MTFR2: variants seen among roughly 807,000 people sequenced by gnomAD.
MTFR2 encodes DUF729 domain-containing protein 1.
Under a neutral mutation model 41.2 loss-of-function variants are expected in MTFR2, and 44 were observed. That is an observed-to-expected ratio of 1.07 (90% CI 0.84 to 1.37). The LOEUF is 1.37. Among genes scored for constraint, MTFR2 ranks in the 40% most tolerant of loss-of-function variants. MTFR2 has a pLI of 0.00. For missense variants in MTFR2, 452 were observed against 459.5 expected, an observed-to-expected ratio of 0.98 and a Z score of 0.15; for synonymous variants, 141 against 154.6, an observed-to-expected ratio of 0.91 and a Z score of 0.65.
rs778375122 is a variant in MTFR2 at position 136,239,465 on chromosome 6, CCGCT to C, written c.866_869del (p.Glu289GlyfsTer23). On this transcript the variant is annotated frameshift_variant and splice_region_variant, in exon 6 of 8. Transcript: ENST00000420702. LOFTEE classifies it high-confidence loss of function. Reference sequence around the variant, plus strand: ...TCACTTTTCAAATTACAACAACATACCGCTCAATTGCACGAAGCTTAACCTTATT... The same window carrying C: ...TCACTTTTCAAATTACAACAACATACCAATTGCACGAAGCTTAACCTTATT... 1 of 1,584,936 alleles carries C rather than the reference CCGCT, an allele frequency of 6.3e-7. No individual in the cohort carries two copies. The highest frequency in any genetic ancestry group is 1.4e-5 in the African/African-American group (1 of 74,014).
In MTFR2 at chr6:136,249,036, C is replaced by A. The variant is rs1451612906; in HGVS notation, c.63+1G>T. On this transcript the variant is annotated splice_donor_variant, in intron 2 of 7. Coordinates refer to ENST00000420702, the MANE Select transcript of MTFR2 (RefSeq NM_001099286.3). LOFTEE classifies it high-confidence loss of function. ...CCATTCCAATCCAAAACGACATTTA[C>A]CTGTTCTACAGGAACGCCAAAATAT... 6.3e-7 allele frequency: 1 copy of A among 1,598,666 alleles called. No homozygotes were observed. The highest frequency in any genetic ancestry group is 8.5e-7 in the Non-Finnish European group (1 of 1,175,654).
intron 6 of MTFR2, among the ~76,000 whole-genome samples, chr6:136,236,211 TGAG>T (rs1369622439): frequency 1.3e-5 from 2 of 151,976 alleles, no homozygotes; most frequent in Non-Finnish European, 2.9e-5. Context: ...TACTCAGGTG[TGAG>T]GAGAAGGATG....
At chr6:136,249,177 G>A in intron 1 of MTFR2, 24 bp from the exon 2 acceptor site, 1 of 1,217,742 alleles carries the variant, frequency 8.2e-7, no homozygotes, top group Non-Finnish European at 1.1e-6. Flanking sequence ...TTTAGAAAAT[G>A]TTACTCTTGA....
At position 136,241,555 on chromosome 6, in the gene MTFR2, T is replaced by C. The variant is rs1780070083; in HGVS notation, c.403A>G (p.Asn135Asp). ...GCTATTTTTCTAATTGCAGCTTCATTTACAGGCAGGTCATTTTTCACAGTT... is the reference window on the plus strand; with the variant it reads ...GCTATTTTTCTAATTGCAGCTTCATCTACAGGCAGGTCATTTTTCACAGTT... ...KETVKNDLPV[N>D]EAAIRKIAAL... Residue 135 changes from asparagine to aspartate, a missense_variant, in exon 5 of 8, where the codon AAT (asparagine) becomes GAT (aspartate). Transcript: ENST00000420702. 1 of 1,614,068 alleles carries C rather than the reference T, an allele frequency of 6.2e-7. No individual in the cohort carries two copies. Among genetic ancestry groups the C allele is most frequent in the Non-Finnish European group, 8.5e-7 (1 of 1,180,050 alleles).
Position 136,231,195 on chromosome 6 carries a change from A to G in MTFR2, c.*80T>C. ...TAAATACATCTACTTTTAGCCTTTA[A>G]CAGTCCAAATCAGTTTCTAAGAATA... is the stretch of plus-strand genomic sequence containing the variant. On this transcript the variant is annotated 3_prime_UTR_variant, in exon 8 of 8. Coordinates refer to ENST00000420702, the MANE Select transcript of MTFR2 (RefSeq NM_001099286.3). 2.1e-6 allele frequency: 2 copies of G among 932,674 alleles called. No homozygotes were observed. The highest frequency in any genetic ancestry group is 3.3e-6 in the Non-Finnish European group (2 of 599,606). 57.8% of individuals were successfully genotyped at this position (932,674 alleles called of 1,614,324 possible).
In MTFR2 at chr6:136,248,216, T is replaced by G. The variant is rs544755178; in HGVS notation, c.63+821A>C. On this transcript the variant is annotated intron_variant, in intron 2 of 7. Coordinates refer to ENST00000420702, the MANE Select transcript of MTFR2 (RefSeq NM_001099286.3). ...AATACAACCATGTATTACTCCTCTG[T>G]ATTACCTGCAGAAACAAGCATATTG... Among the ~76,000 whole-genome samples, 8 of 152,332 alleles carry G rather than the reference T, an allele frequency of 5.3e-5. No individual in the cohort carries two copies. In the South Asian group the frequency reaches 1.7e-3, roughly 32 times the overall value.
At chr6:136,243,170 C>T (rs950078866) in intron 3 of MTFR2, among the ~76,000 whole-genome samples, 197 bp from the exon 4 acceptor site, 7 of 152,282 alleles carry the variant, frequency 4.6e-5, no homozygotes, top group Middle Eastern at 3.4e-3. Context: ...AAGCAATATT[C>T]TCTCCCCTGG....
chr6:136,241,967 C>G (rs973462316), intron 4 of MTFR2, among the ~76,000 whole-genome samples: 5 of 150,464 alleles, frequency 3.3e-5, no homozygotes, highest in African/African-American at 1.2e-4. Context: ...GTAGTCCCAG[C>G]TACTCAGGAG....
chr6:136,239,780 C>G lies in MTFR2; in HGVS notation c.555G>C (p.Gln185His). Residue 185 changes from glutamine (Q) to histidine (H), a missense_variant, in exon 6 of 8, where the codon CAG becomes CAC. Physicochemically the swap from Gln to His is conservative, Grantham distance 24. Coordinates refer to ENST00000420702, the MANE Select transcript of MTFR2 (RefSeq NM_001099286.3). Reference sequence around the variant, plus strand: ...GATGGGCAGCCCGCGATGATGACAGCTGACCCAAACTAATGCGCTCGTCAC... The same window carrying G: ...GATGGGCAGCCCGCGATGATGACAGGTGACCCAAACTAATGCGCTCGTCAC... ...GLSDERISLG[Q>H]LSSSRAAHLS... is the part of the protein sequence containing the mutation. 1.2e-6 allele frequency: 2 copies of G among 1,613,412 alleles called. No individual in the cohort carries two copies. The highest frequency in any genetic ancestry group is 1.7e-6 in the Non-Finnish European group (2 of 1,179,534).
At chr6:136,237,571 G>A (rs1275869462) in intron 6 of MTFR2, among the ~76,000 whole-genome samples, 1 of 152,148 alleles carries the variant, frequency 6.6e-6, no homozygotes, top group African/African-American at 2.4e-5. Context: ...CAGCACTTTG[G>A]GAGGCCGAGG....
At chr6:136,233,869 G>A (rs564354297) in intron 6 of MTFR2, among the ~76,000 whole-genome samples, 86 of 151,568 alleles carry the variant, frequency 5.7e-4, no homozygotes, top group African/African-American at 1.9e-3. Flanking sequence ...AAAAAATTAC[G>A]CAAATTGTTC....
At chr6:136,243,002 G>A in intron 3 of MTFR2, 29 bp from the exon 4 acceptor site, 1 of 1,517,944 alleles carries the variant, frequency 6.6e-7, no homozygotes, top group South Asian at 1.2e-5. Flanking sequence ...AAAATAGTCA[G>A]AGCTCTGCAG....
intron 6 of MTFR2, among the ~76,000 whole-genome samples, chr6:136,233,986 T>C (rs1779837325): frequency 6.6e-6 from 1 of 152,270 alleles, no homozygotes; most frequent in East Asian, 1.9e-4. Flanking sequence ...ACAGCAAGAT[T>C]ATCATCAATA....
chr6:136,241,722 A>G (rs749834445), intron 4 of MTFR2, 46 bp from the exon 5 acceptor site: 5 of 1,443,298 alleles, frequency 3.5e-6, no homozygotes, highest in Non-Finnish European at 4.8e-6. Context: ...TATATTTCCA[A>G]TCAAAAGAGG....
intron 7 of MTFR2, among the ~76,000 whole-genome samples, chr6:136,232,406 G>GCGCCACCACACAGA (rs1779788436): frequency 6.6e-6 from 1 of 152,004 alleles, no homozygotes; most frequent in African/African-American, 2.4e-5. Context: ...TTACAGATGC[G>GCGCCACCACACAGA]TGCCACCACA....
chr6:136,240,813 C>CG (rs1188795206), intron 5 of MTFR2, among the ~76,000 whole-genome samples: 1 of 152,150 alleles, frequency 6.6e-6, no homozygotes, highest in African/African-American at 2.4e-5. Context: ...TACTGAGGGC[C>CG]GGGCGCGGTG....
intron 3 of MTFR2, among the ~76,000 whole-genome samples, chr6:136,243,963 T>A (rs1780151358): frequency 6.6e-6 from 1 of 151,966 alleles, no homozygotes; most frequent in Non-Finnish European, 1.5e-5. Flanking sequence ...GTATAAAAAA[T>A]TTAAAAATTT....
At chr6:136,242,662 G>C (rs931203909) in intron 4 of MTFR2, among the ~76,000 whole-genome samples, 199 bp downstream of exon 4, 1 of 151,846 alleles carries the variant, frequency 6.6e-6, no homozygotes, top group African/African-American at 2.4e-5. Flanking sequence ...CCTGGTGTTA[G>C]GTTTAAATGT....
At chr6:136,244,972 AT>A (rs548108727) in intron 2 of MTFR2, 103 bp from the exon 3 acceptor site, 8,571 of 656,058 alleles carry the variant, frequency 0.013, no homozygotes, top group South Asian at 0.017. Flanking sequence ...ACGCAGTGGC[AT>A]TTTTTTTTTA....
Sources: allele counts gnomAD v4.1 joint callset (sites outside exome capture counted in the v4.1 genomes callset), GRCh38; gene constraint gnomAD v4.1.1; transcripts MANE v1.5; gene names NCBI Gene and HGNC (gene_info 2026-07-23, HGNC 2026-07-21).